ADAMTS20: variants seen among roughly 807,000 people sequenced by gnomAD.
ADAMTS20 encodes the protein ADAM metallopeptidase with thrombospondin type 1 motif 20, also known as A disintegrin and metalloproteinase with thrombospondin motifs 20.
In ADAMTS20, 225 loss-of-function variants were observed where a neutral mutation model predicts 260.1. The ratio of observed to expected loss-of-function variants is 0.87; its 90% CI spans 0.78 to 0.97. The LOEUF (loss-of-function observed/expected upper bound fraction) is 0.97, where lower values mean the gene tolerates loss of function less well. ADAMTS20 is among the 50% of genes least tolerant of loss of function. The pLI is 0.00. For missense variants in ADAMTS20, 2,400 were observed against 2,337.7 expected, an observed-to-expected ratio of 1.03 and a Z score of -0.55; for synonymous variants, 802 against 769.5, an observed-to-expected ratio of 1.04 and a Z score of -0.70.
intron 3 of ADAMTS20, among the ~76,000 whole-genome samples, chr12:43,522,550 G>C (rs1464725322): frequency 6.6e-6 from 1 of 152,196 alleles, no homozygotes; most frequent in Non-Finnish European, 1.5e-5. Context: ...CGAAACTAAT[G>C]AGGTCTCCTG....
chr12:43,372,233 T>G (rs1472600731), intron 36 of ADAMTS20, among the ~76,000 whole-genome samples: 1 of 152,092 alleles, frequency 6.6e-6, no homozygotes, highest in Non-Finnish European at 1.5e-5. Flanking sequence ...CATTCAGAGT[T>G]GTAGAAGATG....
chr12:43,506,904 C>T (rs1184065875), intron 3 of ADAMTS20, among the ~76,000 whole-genome samples: 1 of 150,432 alleles, frequency 6.6e-6, no homozygotes, highest in African/African-American at 2.5e-5. Context: ...CTAGAAAGGA[C>T]AAGAACTAAG....
chr12:43,536,084 C>T (rs1026467700), intron 2 of ADAMTS20, among the ~76,000 whole-genome samples: 1 of 151,824 alleles, frequency 6.6e-6, no homozygotes, highest in Admixed American at 6.6e-5. Context: ...TATATATATT[C>T]ATTCCTATAC....
intron 11 of ADAMTS20, among the ~76,000 whole-genome samples, chr12:43,461,233 C>T (rs143997738): frequency 0.02 from 2,947 of 151,078 alleles, 59 homozygotes; most frequent in East Asian, 0.1. Flanking sequence ...TCAGGTGATC[C>T]GCCTGCCTCG....
chr12:43,537,203 C>A (rs553505194), intron 2 of ADAMTS20, among the ~76,000 whole-genome samples: 10 of 150,536 alleles, frequency 6.6e-5, no homozygotes, highest in Non-Finnish European at 1.2e-4. Context: ...CCATAACTGG[C>A]GGAATTTTGA....
intron 3 of ADAMTS20, among the ~76,000 whole-genome samples, chr12:43,524,740 T>G (rs561403060): frequency 1.8e-4 from 27 of 152,180 alleles, no homozygotes; most frequent in Non-Finnish European, 3.1e-4. Context: ...AACAGCAGAC[T>G]AGAACAATTA....
At chr12:43,374,202 T>A (rs1940171860) in intron 36 of ADAMTS20, among the ~76,000 whole-genome samples, 1 of 152,130 alleles carries the variant, frequency 6.6e-6, no homozygotes, top group African/African-American at 2.4e-5. Flanking sequence ...CACACTGTAG[T>A]AGATGGTGGA....
At chr12:43,425,445 A>G in intron 28 of ADAMTS20, 69 bp downstream of exon 28, 1 of 1,274,202 alleles carries the variant, frequency 7.8e-7, no homozygotes, top group East Asian at 2.8e-5. Flanking sequence ...AAGAAAAACA[A>G]TGAACTCTCC....
chr12:43,474,321 A>G (rs1252989100), intron 7 of ADAMTS20, among the ~76,000 whole-genome samples: 4 of 147,362 alleles, frequency 2.7e-5, no homozygotes, highest in Non-Finnish European at 6.0e-5. Context: ...GACCAATAAC[A>G]GGAGCTGAAA....
At chr12:43,467,849 T>C (rs1942183255) in intron 8 of ADAMTS20, among the ~76,000 whole-genome samples, 1 of 152,142 alleles carries the variant, frequency 6.6e-6, no homozygotes. Flanking sequence ...TCTCAAGGCA[T>C]GACTAGGAAA....
At chr12:43,439,553 C>T (rs1592069511) in intron 18 of ADAMTS20, 69 bp downstream of exon 18, 5 of 1,540,396 alleles carry the variant, frequency 3.2e-6, no homozygotes, top group Non-Finnish European at 4.4e-6. Flanking sequence ...GCAGCCAAGA[C>T]TCAAAAGTAC....
intron 36 of ADAMTS20, among the ~76,000 whole-genome samples, chr12:43,371,340 A>C (rs550924504): frequency 2.0e-5 from 3 of 152,184 alleles, no homozygotes; most frequent in Non-Finnish European, 2.9e-5. Context: ...AATTCAACAG[A>C]TACTTATTTA....
At chr12:43,425,249 C>T (rs1941308921) in intron 28 of ADAMTS20, among the ~76,000 whole-genome samples, 1 of 151,726 alleles carries the variant, frequency 6.6e-6, no homozygotes, top group Non-Finnish European at 1.5e-5. Context: ...ACACTGGGGC[C>T]TGTTGGGGGA....
intron 2 of ADAMTS20, among the ~76,000 whole-genome samples, chr12:43,538,541 T>G (rs2137516343): frequency 6.6e-6 from 1 of 152,338 alleles, no homozygotes; most frequent in South Asian, 2.1e-4. Context: ...ATTTGTCCAT[T>G]TTTGCTTTGG....
chr12:43,388,650 C>T (rs1459308438), intron 29 of ADAMTS20, among the ~76,000 whole-genome samples: 1 of 152,204 alleles, frequency 6.6e-6, no homozygotes, highest in Non-Finnish European at 1.5e-5. Flanking sequence ...TTCCTGTCAA[C>T]AGCTCTATAA....
chr12:43,546,306 C>T (rs956110678), intron 2 of ADAMTS20, among the ~76,000 whole-genome samples: 1 of 152,122 alleles, frequency 6.6e-6, no homozygotes, highest in Non-Finnish European at 1.5e-5. Context: ...ACAAGCTCTA[C>T]TCCATGTATA....
intron 2 of ADAMTS20, among the ~76,000 whole-genome samples, chr12:43,536,559 C>T (rs1047433328): frequency 6.6e-6 from 1 of 152,154 alleles, no homozygotes; most frequent in African/African-American, 2.4e-5. Context: ...TGGGGAGGCA[C>T]TCTGGAGGGG....
chr12:43,388,314 G>T (rs1940526328), intron 29 of ADAMTS20, among the ~76,000 whole-genome samples: 1 of 152,120 alleles, frequency 6.6e-6, no homozygotes. Flanking sequence ...CCCAGGTGAG[G>T]CAACATCCCG....
chr12:43,423,960 CA>C lies in ADAMTS20; in HGVS notation c.4284+1553del, dbSNP rs755944563. 4.3e-6 allele frequency: 3 copies of C among 696,656 alleles called. No individual in the cohort carries two copies. In the East Asian group the frequency reaches 8.0e-5, roughly 19 times the overall value. 43.2% of individuals were successfully genotyped at this position (696,656 alleles called of 1,614,324 possible). A position where few individuals can be genotyped will look rare whatever the true frequency, so the allele number is the denominator to read the frequency against. ...AAAATGTTCTGTTGTTTAATATCAT[CA>C]GTCACACTTTGACTATAAAGATGAA... is the stretch of plus-strand genomic sequence containing the variant. On this transcript the variant is annotated intron_variant, in intron 28 of 38. Transcript: ENST00000389420.
Sources: allele counts gnomAD v4.1 joint callset (sites outside exome capture counted in the v4.1 genomes callset), GRCh38; gene constraint gnomAD v4.1.1; transcripts MANE v1.5; gene names NCBI Gene and HGNC (gene_info 2026-07-23, HGNC 2026-07-21).